Variants in RELN observed in about 807,000 individuals in gnomAD.
The protein encoded by RELN is reelin.
A neutral mutation model predicts 427.6 loss-of-function variants in RELN; 108 were observed. That is an observed-to-expected ratio of 0.25 (90% confidence interval 0.22 to 0.30). The LOEUF (loss-of-function observed/expected upper bound fraction) is 0.30. Among genes scored for constraint, RELN ranks in the 10% least tolerant of loss-of-function variants. The pLI is 1.00. For synonymous variants in RELN, 1,524 were observed against 1,513.4 expected, an observed-to-expected ratio of 1.01 and a Z score of -0.16; for missense variants, 3,715 against 4,302.8, an observed-to-expected ratio of 0.86 and a Z score of 3.82.
chr7:103,535,508 G>A lies in RELN; in HGVS notation c.7181-24C>T, dbSNP rs192500474. 1.5e-3 allele frequency: 2,475 copies of A among 1,601,052 alleles called. 1 individual carries two copies. Among genetic ancestry groups the A allele is most frequent in the Non-Finnish European group, 1.9e-3 (2,228 of 1,168,310 alleles). The stretch of plus-strand genomic sequence containing the variant: ...CGCTGAAACAGGAAACATTATTTTG[G>A]ATATAAACACATATCTGCAGACCCA... On this transcript the variant is annotated intron_variant, in intron 45 of 64. Coordinates refer to ENST00000428762, the MANE Select transcript of RELN (RefSeq NM_005045.4).
At chr7:103,721,426 C>T (rs1273281340) in intron 8 of RELN, among the ~76,000 whole-genome samples, 2 of 152,088 alleles carry the variant, frequency 1.3e-5, no homozygotes, top group African/African-American at 4.8e-5. Context: ...GAGACCTTGG[C>T]CCTGGTGCTT....
At chr7:103,890,444 A>G (rs1794822101) in intron 2 of RELN, among the ~76,000 whole-genome samples, 1 of 152,192 alleles carries the variant, frequency 6.6e-6, no homozygotes, top group East Asian at 1.9e-4. Context: ...CAGCAGAAGC[A>G]TTAGATTCTC....
intron 2 of RELN, among the ~76,000 whole-genome samples, chr7:103,851,949 C>T (rs1009594112): frequency 8.5e-5 from 13 of 152,160 alleles, no homozygotes; most frequent in African/African-American, 3.1e-4. Context: ...AGGCCACATG[C>T]TGAGATGGCA....
chr7:103,575,053 T>A (rs562119423), intron 29 of RELN, among the ~76,000 whole-genome samples: 1 of 152,328 alleles, frequency 6.6e-6, no homozygotes, highest in South Asian at 2.1e-4. Flanking sequence ...CATGCAGCCA[T>A]GCAGCATGTG....
intron 8 of RELN, among the ~76,000 whole-genome samples, chr7:103,701,771 T>C (rs1189243574): frequency 6.6e-6 from 1 of 152,162 alleles, no homozygotes; most frequent in African/African-American, 2.4e-5. Flanking sequence ...TGCCAGAAGT[T>C]TATTGTAATG....
intron 1 of RELN, among the ~76,000 whole-genome samples, chr7:103,985,465 A>C (rs922639578): frequency 6.6e-6 from 1 of 152,184 alleles, no homozygotes; most frequent in Non-Finnish European, 1.5e-5. Flanking sequence ...TTTCATGCAC[A>C]ATGTCTTCTT....
intron 6 of RELN, among the ~76,000 whole-genome samples, chr7:103,735,701 T>C (rs1790474055): frequency 6.6e-6 from 1 of 152,230 alleles, no homozygotes; most frequent in South Asian, 2.1e-4. Flanking sequence ...TGAAGCAAGT[T>C]AATCACCTAG....
In RELN at chr7:103,763,642, T is replaced by C. The variant is rs139748361; in HGVS notation, c.545-10428A>G. The stretch of plus-strand genomic sequence containing the variant: ...TACACCAGGGAAAGGAGTTGGCATA[T>C]ATGAGCTACAGTGATAGGGTCAGGA... On this transcript the variant is annotated intron_variant, in intron 4 of 64. Transcript: ENST00000428762. Among the ~76,000 whole-genome samples, 308 of 152,254 alleles carry C rather than the reference T, an allele frequency of 2.0e-3. 3 individuals are homozygous for C. Among genetic ancestry groups the C allele is most frequent in the African/African-American group, 7.1e-3 (293 of 41,540 alleles).
chr7:103,575,764 A>G (rs1232536577), intron 28 of RELN, 59 bp from the exon 29 acceptor site: 3 of 1,589,908 alleles, frequency 1.9e-6, no homozygotes, highest in South Asian at 1.1e-5. Flanking sequence ...AAAGCATTGG[A>G]ATATAGAAAA....
At chr7:103,843,149 T>TAC (rs1793594464) in intron 2 of RELN, among the ~76,000 whole-genome samples, 1 of 152,120 alleles carries the variant, frequency 6.6e-6, no homozygotes, top group Non-Finnish European at 1.5e-5. Context: ...CACAGTGTTG[T>TAC]ACATGTTGGC....
At chr7:103,657,739 T>C (rs1322677165) in intron 12 of RELN, among the ~76,000 whole-genome samples, 1 of 152,130 alleles carries the variant, frequency 6.6e-6, no homozygotes, top group Non-Finnish European at 1.5e-5. Flanking sequence ...TTTATAGTTC[T>C]GTGAAGTGTC....
intron 10 of RELN, among the ~76,000 whole-genome samples, chr7:103,686,884 C>T (rs899810874): frequency 6.6e-6 from 1 of 152,152 alleles, no homozygotes; most frequent in Non-Finnish European, 1.5e-5. Context: ...ATTTTCCACA[C>T]ATTCAATTTC....
chr7:103,934,610 G>T (rs1030952441), intron 1 of RELN, among the ~76,000 whole-genome samples: 1 of 152,022 alleles, frequency 6.6e-6, no homozygotes, highest in Non-Finnish European at 1.5e-5. Flanking sequence ...AAAATATATT[G>T]TGCCCCCACA....
intron 2 of RELN, among the ~76,000 whole-genome samples, chr7:103,874,927 T>C (rs1260930432): frequency 6.8e-6 from 1 of 146,670 alleles, no homozygotes; most frequent in African/African-American, 2.4e-5. Flanking sequence ...AGAACAAAGC[T>C]GGAGGAATCA....
intron 4 of RELN, among the ~76,000 whole-genome samples, chr7:103,754,646 C>T (rs1436269236): frequency 6.6e-6 from 1 of 152,010 alleles, no homozygotes; most frequent in Non-Finnish European, 1.5e-5. Flanking sequence ...CATGGTGGTG[C>T]ACGCCTGTAG....
intron 7 of RELN, among the ~76,000 whole-genome samples, chr7:103,727,688 T>C (rs962150548): frequency 3.9e-5 from 6 of 152,178 alleles, no homozygotes; most frequent in East Asian, 1.9e-4. Flanking sequence ...GGTTCTTCTA[T>C]GGCTATGAAC....
chr7:103,698,112 T>A lies in RELN; in HGVS notation c.903-19A>T. ...AGGGGCTCTGGAACATACAGAGAGA[T>A]GGCAAGTTTAGCAATGCTGACTTTT... On this transcript the variant is annotated intron_variant, in intron 9 of 64. Coordinates refer to ENST00000428762, the MANE Select transcript of RELN (RefSeq NM_005045.4). 1 of 1,613,582 alleles carries A rather than the reference T, an allele frequency of 6.2e-7. No homozygotes were observed. The highest frequency in any genetic ancestry group is 1.1e-5 in the South Asian group (1 of 91,064).
chr7:103,518,608 T>C (rs759759890), intron 49 of RELN, among the ~76,000 whole-genome samples: 8 of 151,180 alleles, frequency 5.3e-5, no homozygotes, highest in South Asian at 2.1e-4. Flanking sequence ...AGTGCTGGGA[T>C]TACAGGTGTG....
intron 58 of RELN, 102 bp downstream of exon 58, chr7:103,491,823 GTCTCTCTCTCTCTCTCTCTCTCTCTCTC>G (rs60846683): frequency 2.5e-6 from 1 of 396,166 alleles, no homozygotes; most frequent in Non-Finnish European, 4.7e-6. Flanking sequence ...GAGCGAAACT[GTCTCTCTCTCTCTCTCTCTCTCTCTCTC>G]TCTCTCACAC....
Sources: gnomAD v4.1 joint callset for allele counts (sites outside exome capture counted in the v4.1 genomes callset) on GRCh38, gnomAD v4.1.1 for gene constraint, MANE v1.5 for transcripts, NCBI Gene and HGNC (gene_info 2026-07-23, HGNC 2026-07-21) for gene names.